The following SPNS1 variants were observed in gnomAD, a reference collection of about 807,000 sequenced individuals.
The protein encoded by SPNS1 is SPNS lysolipid transporter 1, lysophospholipid, also known as protein spinster homolog 1.
In SPNS1, 22 loss-of-function variants were observed where a neutral mutation model predicts 50.3. The observed-to-expected ratio is 0.44, with a 90% CI of 0.31 to 0.62. SPNS1 has a LOEUF of 0.62. Ranked by LOEUF, SPNS1 falls within the 20% of genes least tolerant of loss-of-function variation. SPNS1 has a pLI of 0.07. For synonymous variants in SPNS1, 295 were observed against 317.4 expected (o/e 0.93, Z 0.75); for missense variants, 576 against 728.6 (o/e 0.79, Z 2.41).
At position 28,984,523 on chromosome 16, in the gene SPNS1, G is replaced by A. The variant is rs529643994; in HGVS notation, c.*224G>A. ...CCAAGGGCTCGGTGCTATTTGTAAC[G>A]GAATAAAATTTGTAGCCAGACCCCA... On this transcript the variant is annotated 3_prime_UTR_variant, in exon 12 of 12. Coordinates refer to ENST00000311008, the MANE Select transcript of SPNS1 (RefSeq NM_032038.3). 3.4e-5 allele frequency: 22 copies of A among 642,466 alleles called. No homozygotes were observed. Among genetic ancestry groups the A allele is most frequent in the African/African-American group, 2.9e-4 (16 of 55,144 alleles). The allele number at this position is 642,466 out of a possible 1,614,324, so 39.8% of individuals were successfully genotyped here.
chr16:28,978,859 G>C (rs1252551028), intron 3 of SPNS1: 4 of 346,682 alleles, frequency 1.2e-5, no homozygotes, highest in Non-Finnish European at 2.1e-5. Flanking sequence ...CCCCTACCAG[G>C]CAAGCAGGGG....
chr16:28,975,285 A>G lies in SPNS1; in HGVS notation c.134A>G (p.Glu45Gly), dbSNP rs764179121. The G allele has an allele frequency of 2.5e-5, 40 of 1,576,210 alleles. No individual in the cohort carries two copies. The highest frequency in any genetic ancestry group is 3.1e-5 in the Non-Finnish European group (36 of 1,159,452). The change falls in exon 1 of 12, where the codon GAG (glutamate) becomes GGG (glycine). Residue 45 changes from glutamate to glycine, a missense_variant. Around this residue, in one of 3 missense-constraint regions of SPNS1, gnomAD observed 144 missense variants for 181.2 expected, o/e 0.79. Coordinates refer to ENST00000311008, the MANE Select transcript of SPNS1 (RefSeq NM_032038.3). ...GAGGAGCCCGAGGTCCCGGACCAGG[A>G]GGGGCTGCAGCGCATCACCGGCCTG... is the stretch of plus-strand genomic sequence containing the variant. ...KSEEPEVPDQ[E>G]GLQRITGLSP...
In SPNS1 at chr16:28,975,567, G is replaced by T. The variant is rs370097774; in HGVS notation, c.307+10G>T. ...GGGCTCATCCAGACCGGTGAGTGGG[G>T]ACCACTCCTGGTCACACAGCCGCTC... On this transcript the variant is annotated intron_variant, in intron 2 of 11. Transcript: ENST00000311008. The T allele has an allele frequency of 1.2e-6, 2 of 1,613,492 alleles. No homozygotes were observed. Among genetic ancestry groups the T allele is most frequent in the African/African-American group, 2.7e-5 (2 of 74,906 alleles).
At chr16:28,982,298 G>T in intron 7 of SPNS1, 58 bp from the exon 8 acceptor site, 2 of 1,521,760 alleles carry the variant, frequency 1.3e-6, no homozygotes, top group Non-Finnish European at 1.8e-6. Context: ...AGGATGGACA[G>T]CGTAGGGGCC....
At chr16:28,977,792 G>A (rs529559224) in intron 2 of SPNS1, 116 bp from the exon 3 acceptor site, 222 of 1,349,952 alleles carry the variant, frequency 1.6e-4, no homozygotes, top group Non-Finnish European at 1.6e-4. Context: ...ATGTGGGGGT[G>A]TTGTGAATTC....
In SPNS1 at chr16:28,984,310, C is replaced by T; in HGVS notation, c.*11C>T. ...AGTGTGCTCATCTGAGAGGCTGCCG[C>T]TCACCTACCTGCACATCTGCCACAG... On this transcript the variant is annotated 3_prime_UTR_variant, in exon 12 of 12. Coordinates refer to ENST00000311008, the MANE Select transcript of SPNS1 (RefSeq NM_032038.3). 1.9e-6 allele frequency: 3 copies of T among 1,610,466 alleles called. No individual in the cohort carries two copies. The highest frequency in any genetic ancestry group is 2.2e-5 in the South Asian group (2 of 90,990).
chr16:28,984,578 C>T (rs1298100358), downstream of SPNS1: 4 of 613,934 alleles, frequency 6.5e-6, no homozygotes, highest in African/African-American at 5.5e-5. Context: ...CTCTGGGTGG[C>T]CTCTGATCTT....
chr16:28,984,487 C>A lies in SPNS1; in HGVS notation c.*188C>A. On this transcript the variant is annotated 3_prime_UTR_variant, in exon 12 of 12. Coordinates refer to ENST00000311008, the MANE Select transcript of SPNS1 (RefSeq NM_032038.3). The stretch of plus-strand genomic sequence containing the variant: ...GGTCCAGGAGGGGGATCCCTCTCCA[C>A]AGGGGCAGCCCCAAGGGCTCGGTGC... 1.4e-6 allele frequency: 1 copy of A among 706,560 alleles called. No homozygotes were observed. Among genetic ancestry groups the A allele is most frequent in the South Asian group, 1.5e-5 (1 of 66,050 alleles). 43.8% of individuals were successfully genotyped at this position (706,560 alleles called of 1,614,324 possible).
In SPNS1 at chr16:28,983,367, G is replaced by A. The variant is rs953903172; in HGVS notation, c.1320+77G>A. The stretch of plus-strand genomic sequence containing the variant: ...CTGGATCAGAAGGCCTGGCCCTAGT[G>A]AAGTGTCTGTGTCCTGCGTGCTGGG... On this transcript the variant is annotated intron_variant, in intron 10 of 11. Transcript: ENST00000311008. The surrounding 1 kb of genome is among the most constrained non-coding windows in gnomAD (Gnocchi z 5.4). The A allele has an allele frequency of 3.2e-5, 38 of 1,177,264 alleles. No homozygotes were observed. The highest frequency in any genetic ancestry group is 4.6e-5 in the Non-Finnish European group (36 of 784,668). The allele number at this position is 1,177,264 out of a possible 1,614,324, so 72.9% of individuals were successfully genotyped here.
In SPNS1 at chr16:28,977,900, C is replaced by T. The variant is rs1375654216; in HGVS notation, c.308-8C>T. 1.4e-5 allele frequency: 22 copies of T among 1,612,896 alleles called. No homozygotes were observed. In the Admixed American group the frequency reaches 3.0e-4, roughly 22 times the overall value. On this transcript the variant is annotated splice_region_variant and splice_polypyrimidine_tract_variant and intron_variant, in intron 2 of 11. Transcript: ENST00000311008. ...TGGGCTGAGCTGTGACTCTCTGCTT[C>T]CCCCTAGTGTTCATCTCCAGTTACA...
chr16:28,978,168 T>A, intron 3 of SPNS1, 124 bp downstream of exon 3: 1 of 1,327,310 alleles, frequency 7.5e-7, no homozygotes, highest in Non-Finnish European at 1.0e-6. Flanking sequence ...GTCCATGCCA[T>A]TTTATACCCC....
rs767466627 is a variant in SPNS1, at chr16:28,981,664, G to A, written c.809+49G>A. 6.3e-7 allele frequency: 1 copy of A among 1,598,754 alleles called. No individual in the cohort carries two copies. On this transcript the variant is annotated intron_variant, in intron 6 of 11. Coordinates refer to ENST00000311008, the MANE Select transcript of SPNS1 (RefSeq NM_032038.3). The surrounding 1 kb of genome is among the most constrained non-coding windows in gnomAD (Gnocchi z 4.2). ...CACCATCTGAGGCCCCCTGGCGTCT[G>A]GTTTGAGGTTTAAGTGGGGATGTTC...
In SPNS1 at chr16:28,983,063, G is replaced by A; in HGVS notation, c.1222-129G>A. ...AACATCTGTAGCAGACCCCCGGCCT[G>A]CCCTGCGACCTCAACCCCAGGCACA... On this transcript the variant is annotated intron_variant, in intron 9 of 11. Coordinates refer to ENST00000311008, the MANE Select transcript of SPNS1 (RefSeq NM_032038.3). The surrounding 1 kb of genome is among the most constrained non-coding windows in gnomAD (Gnocchi z 5.4). 1 of 1,233,614 alleles carries A rather than the reference G, an allele frequency of 8.1e-7. No individual in the cohort carries two copies. The highest frequency in any genetic ancestry group is 1.2e-6 in the Non-Finnish European group (1 of 856,284). 76.4% of individuals were successfully genotyped at this position (1,233,614 alleles called of 1,614,324 possible).
rs773383003 is a variant in SPNS1 at position 28,975,397 on chromosome 16, G to A, written c.241+5G>A. 5.6e-6 allele frequency: 9 copies of A among 1,613,334 alleles called. No individual in the cohort carries two copies. The highest frequency in any genetic ancestry group is 3.3e-5 in the South Asian group (3 of 91,034). ...TGGACCGCTTCACCGTGGCTGGTAG[G>A]GACTCACTTCTGGGAGGAAGATAGT... On this transcript the variant is annotated splice_donor_5th_base_variant and intron_variant, in intron 1 of 11. Transcript: ENST00000311008.
At chr16:28,979,046 A>G (rs751345525) in intron 3 of SPNS1, 109 bp from the exon 4 acceptor site, 4 of 1,379,842 alleles carry the variant, frequency 2.9e-6, no homozygotes, top group African/African-American at 1.4e-5. Context: ...TGATTCTAAA[A>G]CCCAGGCATC....
chr16:28,984,057 C>G, intron 11 of SPNS1, 100 bp downstream of exon 11: 1 of 1,465,416 alleles, frequency 6.8e-7, no homozygotes, highest in Non-Finnish European at 9.1e-7. Context: ...GTCCACAGCC[C>G]TCCCCTTGTT....
chr16:28,983,108 C>A lies in SPNS1; in HGVS notation c.1222-84C>A. On this transcript the variant is annotated intron_variant, in intron 9 of 11. Transcript: ENST00000311008. This position sits in a 1 kb window ranked among gnomAD's most constrained non-coding sequence, Gnocchi z 5.4. ...GGCACACCTCTGACCCCGGCCTAGG[C>A]GGATCCTTGGTGGTCTCCTGGCCCC... is the stretch of plus-strand genomic sequence containing the variant. 1 of 1,295,030 alleles carries A rather than the reference C, an allele frequency of 7.7e-7. No individual in the cohort carries two copies. The highest frequency in any genetic ancestry group is 1.1e-6 in the Non-Finnish European group (1 of 902,182). The allele number at this position is 1,295,030 out of a possible 1,614,324, so 80.2% of individuals were successfully genotyped here.
In SPNS1 at chr16:28,984,049, C is replaced by T. The variant is rs1382434280; in HGVS notation, c.1492+92C>T. 3 of 1,468,220 alleles carry T rather than the reference C, an allele frequency of 2.0e-6. No homozygotes were observed. In the Admixed American group the frequency reaches 6.9e-5, roughly 34 times the overall value. 90.9% of individuals were successfully genotyped at this position (1,468,220 alleles called of 1,614,324 possible). ...ACTCCTGTGCACCTGGCAGCTCAGT[C>T]CACAGCCCTCCCCTTGTTTGGCCTC... On this transcript the variant is annotated intron_variant, in intron 11 of 11. Transcript: ENST00000311008.
chr16:28,984,545 C>G, downstream of SPNS1: 1 of 623,398 alleles, frequency 1.6e-6, no homozygotes, highest in Admixed American at 2.7e-5. Flanking sequence ...GTAGCCAGAC[C>G]CCAGGTGCCT....
Sources: gnomAD v4.1 joint callset for allele counts on GRCh38, gnomAD v4.1.1 for gene constraint, gnomAD v4.1.1 regional missense constraint, Gnocchi (gnomAD v3.1) non-coding constraint, MANE v1.5 for transcripts, NCBI Gene and HGNC (gene_info 2026-07-23, HGNC 2026-07-21) for gene names.